CD8B: variants seen among roughly 807,000 people sequenced by gnomAD.
The protein encoded by CD8B is CD8 subunit beta, also known as T-cell surface glycoprotein CD8 beta chain.
Under a neutral mutation model 24.2 loss-of-function variants are expected in CD8B, and 6 were observed. The observed-to-expected ratio is 0.25, with a 90% CI of 0.14 to 0.49. CD8B has a LOEUF of 0.49. CD8B is among the 20% of genes least tolerant of loss of function. CD8B has a pLI of 0.98. For synonymous variants in CD8B, 84 were observed against 108.3 expected (o/e 0.78, Z 1.39); for missense variants, 196 against 271.3 (o/e 0.72, Z 1.95).
chr2:86,838,129 T>C (rs1016111997), downstream of CD8B, among the ~76,000 whole-genome samples: 16 of 152,272 alleles, frequency 1.1e-4, no homozygotes, highest in South Asian at 2.1e-4. Context: ...ATATTTTTAT[T>C]GATTCCAATT....
chr2:86,851,580 C>T (rs1675977279), intron 3 of CD8B, among the ~76,000 whole-genome samples: 1 of 152,188 alleles, frequency 6.6e-6, no homozygotes, highest in Non-Finnish European at 1.5e-5. Context: ...ACGGCAGCTT[C>T]CCACCCTGGT....
intron 2 of CD8B, among the ~76,000 whole-genome samples, chr2:86,855,672 C>T (rs201758607): frequency 3.3e-5 from 5 of 152,286 alleles, no homozygotes; most frequent in East Asian, 3.9e-4. Flanking sequence ...GGTCGGAGAG[C>T]GTGCAACGAG....
At chr2:86,849,947 A>C (rs535606196) in intron 3 of CD8B, among the ~76,000 whole-genome samples, 1 of 152,100 alleles carries the variant, frequency 6.6e-6, no homozygotes, top group Admixed American at 6.5e-5. Flanking sequence ...CAGGTTATCC[A>C]CCAGCTTTGG....
chr2:86,827,942 G>C (rs1674756844), intron 5 of CD8B, among the ~76,000 whole-genome samples: 3 of 152,164 alleles, frequency 2.0e-5, no homozygotes, highest in Non-Finnish European at 1.5e-5. Flanking sequence ...CTTGGCTCTT[G>C]TTCCCATGTG....
intron 3 of CD8B, among the ~76,000 whole-genome samples, chr2:86,849,703 G>GTTTT (rs551385750): frequency 3.1e-5 from 4 of 127,440 alleles, no homozygotes; most frequent in Admixed American, 8.1e-5. Flanking sequence ...CAACTAAGGT[G>GTTTT]TTTTTTTTTT....
intron 5 of CD8B, 120 bp from the exon 6 acceptor site, chr2:86,842,439 A>C (rs1675480839): frequency 7.4e-7 from 1 of 1,353,030 alleles, no homozygotes; most frequent in African/African-American, 1.5e-5. Context: ...CCTGGGGCCG[A>C]GAGTTTTTTG....
chr2:86,852,453 A>G (rs1243082223), intron 3 of CD8B, among the ~76,000 whole-genome samples: 1 of 151,884 alleles, frequency 6.6e-6, no homozygotes, highest in Non-Finnish European at 1.5e-5. Context: ...ATTCCCCTAA[A>G]AAGAAACCTT....
At chr2:86,849,910 A>G (rs1171980032) in intron 3 of CD8B, among the ~76,000 whole-genome samples, 2 of 151,898 alleles carry the variant, frequency 1.3e-5, no homozygotes, top group Non-Finnish European at 2.9e-5. Context: ...CGCCATGTTG[A>G]TCAGGCTGGT....
At chr2:86,822,051 C>G (rs1336100155) in intron 5 of CD8B, among the ~76,000 whole-genome samples, 4 of 152,168 alleles carry the variant, frequency 2.6e-5, no homozygotes, top group Admixed American at 1.3e-4. Flanking sequence ...CAGTCCTGCC[C>G]TGACTTGCCC....
chr2:86,830,717 G>A (rs1470855181), intron 5 of CD8B, among the ~76,000 whole-genome samples: 1 of 151,978 alleles, frequency 6.6e-6, no homozygotes. Flanking sequence ...CCCTCAGAAT[G>A]GTGGGACCAG....
rs571019509 is a variant in CD8B at position 86,840,573 on chromosome 2, A to C, written c.*1734T>G. On this transcript the variant is annotated 3_prime_UTR_variant, in exon 6 of 6. Transcript: ENST00000390655. ...ATAAGGGGTAGCCAACAGGTACCTC[A>C]AAAGGGGTACTTAAAACCCAGAAAA... Among the ~76,000 whole-genome samples the C allele has an allele frequency of 1.3e-5, 2 of 152,358 alleles. No individual in the cohort carries two copies. Among genetic ancestry groups the C allele is most frequent in the East Asian group, 3.9e-4 (2 of 5,184 alleles).
intron 2 of CD8B, 148 bp from the exon 3 acceptor site, chr2:86,853,234 G>A (rs1339685145): frequency 3.7e-6 from 5 of 1,353,028 alleles, no homozygotes; most frequent in Non-Finnish European, 5.1e-6. Flanking sequence ...TTGAGCTCAG[G>A]AGGTTGAGAC....
rs1056489477 is a variant in CD8B at position 86,841,871 on chromosome 2, C to T, written c.*436G>A. The stretch of plus-strand genomic sequence containing the variant: ...GCCTCTCTGCGAGGAAGGTCAGCCC[C>T]AGCCTGGGAAGACCAAGAGGGAGCC... On this transcript the variant is annotated 3_prime_UTR_variant, in exon 6 of 6. Transcript: ENST00000390655. 1 of 986,980 alleles carries T rather than the reference C, an allele frequency of 1.0e-6. No homozygotes were observed. The highest frequency in any genetic ancestry group is 1.2e-6 in the Non-Finnish European group (1 of 831,016). The allele number at this position is 986,980 out of a possible 1,614,324, so 61.1% of individuals were successfully genotyped here.
At chr2:86,823,782 A>G (rs1464215175) in intron 5 of CD8B, among the ~76,000 whole-genome samples, 1 of 152,182 alleles carries the variant, frequency 6.6e-6, no homozygotes, top group Non-Finnish European at 1.5e-5. Context: ...GACAGAGATA[A>G]CAAAGAAAAA....
intron 2 of CD8B, among the ~76,000 whole-genome samples, chr2:86,855,634 T>C (rs1321962043): frequency 6.6e-6 from 1 of 152,216 alleles, no homozygotes; most frequent in Non-Finnish European, 1.5e-5. Flanking sequence ...TGAGGGCAAC[T>C]ATTGTAAGAG....
At chr2:86,838,076 G>A (rs1675251003), downstream of CD8B, among the ~76,000 whole-genome samples, 1 of 152,174 alleles carries the variant, frequency 6.6e-6, no homozygotes, top group Non-Finnish European at 1.5e-5. Flanking sequence ...TGATTTCCAT[G>A]GTTCAGATTT....
Position 86,861,823 on chromosome 2 carries a change from C to G in CD8B, c.43G>C (p.Val15Leu), listed in dbSNP as rs1281715212. 7.8e-7 allele frequency: 1 copy of G among 1,279,280 alleles called. No individual in the cohort carries two copies. Among genetic ancestry groups the G allele is most frequent in the Middle Eastern group, 3.0e-4 (1 of 3,330 alleles). The allele number at this position is 1,279,280 out of a possible 1,614,324, so 79.2% of individuals were successfully genotyped here. The change falls in exon 1 of 6, where the codon GTT becomes CTT. Residue 15 changes from valine (V) to leucine (L), a missense_variant and splice_region_variant. Transcript: ENST00000390655. ...LWLLLAAQLT[V>L]LHGNSVLQQT... ...GGTAGCCCGCGCGCCGCCGCCTTAC[C>G]TGTCAGCTGCGCGGCCAAGAGGAGC...
At position 86,841,109 on chromosome 2, in the gene CD8B, C is replaced by T. The variant is rs914975607; in HGVS notation, c.*1198G>A. 8.0e-5 allele frequency among the ~76,000 whole-genome samples: 12 copies of T among 150,066 alleles called. No individual in the cohort carries two copies. The highest frequency in any genetic ancestry group is 2.0e-4 in the East Asian group (1 of 5,122). On this transcript the variant is annotated 3_prime_UTR_variant, in exon 6 of 6. Transcript: ENST00000390655. ...TAGGCTGCTAAAGCTCAGGTAGGGG[C>T]GGCTAAGATGGGTCTCAGGCACTTT...
At position 86,839,446 on chromosome 2, in the gene CD8B, CTGGA is replaced by C. The variant is rs1391543135; in HGVS notation, c.*2857_*2860del. 6.6e-6 allele frequency among the ~76,000 whole-genome samples: 1 copy of C among 152,212 alleles called. No individual in the cohort carries two copies. Among genetic ancestry groups the C allele is most frequent in the Non-Finnish European group, 1.5e-5 (1 of 68,032 alleles). On this transcript the variant is annotated 3_prime_UTR_variant, in exon 6 of 6. Coordinates refer to ENST00000390655, the MANE Select transcript of CD8B (RefSeq NM_004931.5). ...AGTGGAATTGCTAGTCAAAAGATAGCTGGATGGAGTTTGGGGGGCATATTTCATC... is the reference window on the plus strand; with the variant it reads ...AGTGGAATTGCTAGTCAAAAGATAGCTGGAGTTTGGGGGGCATATTTCATC...
Sources: allele counts gnomAD v4.1 joint callset (sites outside exome capture counted in the v4.1 genomes callset), GRCh38; gene constraint gnomAD v4.1.1; transcripts MANE v1.5; gene names NCBI Gene and HGNC (gene_info 2026-07-23, HGNC 2026-07-21).